Variants in LRP4 observed in about 807,000 individuals in gnomAD.
The protein encoded by LRP4 is LDL receptor related protein 4, also known as low-density lipoprotein receptor-related protein 4.
In LRP4, 95 loss-of-function variants were observed where a neutral mutation model predicts 220.3. That is an observed-to-expected ratio of 0.43 (90% CI 0.37 to 0.51). LRP4 has a LOEUF of 0.51. Ranked by LOEUF, LRP4 falls within the 20% of genes least tolerant of loss-of-function variation. The pLI is 0.00. For missense variants in LRP4, 1,925 were observed against 2,567.0 expected (o/e 0.75, Z 5.40); for synonymous variants, 903 against 954.6 (o/e 0.95, Z 1.00).
chr11:46,911,946 G>A (rs1369147641), intron 1 of LRP4, among the ~76,000 whole-genome samples: 10 of 150,928 alleles, frequency 6.6e-5, no homozygotes, highest in Non-Finnish European at 1.3e-4. Flanking sequence ...AGGTTCAAGC[G>A]ATTCTCCCAC....
intron 1 of LRP4, among the ~76,000 whole-genome samples, chr11:46,911,131 G>T (rs914707275): frequency 1.3e-5 from 2 of 152,074 alleles, no homozygotes; most frequent in African/African-American, 4.8e-5. Flanking sequence ...TTGCTGGGAG[G>T]TCTAAATGAA....
At chr11:46,867,689 G>A (rs1365390306) in intron 34 of LRP4, among the ~76,000 whole-genome samples, 1 of 152,152 alleles carries the variant, frequency 6.6e-6, no homozygotes, top group Non-Finnish European at 1.5e-5. Flanking sequence ...TCCAACTCCC[G>A]ACCTCAAGTG....
intron 22 of LRP4, 149 bp downstream of exon 22, chr11:46,878,758 C>G: frequency 8.2e-7 from 1 of 1,220,314 alleles, no homozygotes; most frequent in South Asian, 1.3e-5. Flanking sequence ...GTCCCCTTTT[C>G]TAAAAGCCGT....
chr11:46,882,484 A>G (rs981550022), intron 19 of LRP4, among the ~76,000 whole-genome samples: 3 of 151,972 alleles, frequency 2.0e-5, no homozygotes, highest in Non-Finnish European at 4.4e-5. Flanking sequence ...TCAAAAAAAA[A>G]AGAAAAAAAC....
At chr11:46,894,484 A>G (rs2134849058) in intron 12 of LRP4, 105 bp downstream of exon 12, 1 of 837,692 alleles carries the variant, frequency 1.2e-6, no homozygotes, top group Non-Finnish European at 2.0e-6. Context: ...CTGGAAGAAA[A>G]AGATGTCCTG....
intron 16 of LRP4, 118 bp downstream of exon 16, chr11:46,889,293 G>A: frequency 7.3e-7 from 1 of 1,364,366 alleles, no homozygotes; most frequent in African/African-American, 1.4e-5. Flanking sequence ...CCTCTCCAGG[G>A]CTCCCTGAGG....
chr11:46,888,239 T>C (rs1227592342), intron 16 of LRP4, among the ~76,000 whole-genome samples: 1 of 96,510 alleles, frequency 1.0e-5, no homozygotes, highest in Non-Finnish European at 2.0e-5. Flanking sequence ...GGAGAAGCAC[T>C]TGAACCCGGG....
In LRP4 at chr11:46,873,482, T is replaced by C. The variant is rs970025729; in HGVS notation, c.4341A>G (p.Thr1447=). Residue 1447 remains threonine, a synonymous_variant, in exon 29 of 38, where the codon ACA becomes ACG. Transcript: ENST00000378623. The surrounding 1 kb of genome is among the most constrained non-coding windows in gnomAD (Gnocchi z 4.2). ...TGGACGCCTCAATGGTATTTCGACCTGTGTCTGTCCAGTACAGGTTCCTGG... is the reference window on the plus strand; with the variant it reads ...TGGACGCCTCAATGGTATTTCGACCCGTGTCTGTCCAGTACAGGTTCCTGG... ...WVARNLYWTD[T]GRNTIEASRL... 2 of 1,614,090 alleles carry C rather than the reference T, an allele frequency of 1.2e-6. No homozygotes were observed. The highest frequency in any genetic ancestry group is 1.7e-6 in the Non-Finnish European group (2 of 1,180,042).
chr11:46,879,083 A>G, intron 21 of LRP4, 43 bp downstream of exon 21: 1 of 1,614,218 alleles, frequency 6.2e-7, no homozygotes, highest in Non-Finnish European at 8.5e-7. Context: ...GCTAGGGCAT[A>G]GGAGGGCCAC....
chr11:46,877,355 G>A lies in LRP4; in HGVS notation c.3137-16C>T. ...CTGTTCATGCCTGCCAGGTGGAGAG[G>A]AGGGAAGAGGATCACTCGAGCACAG... On this transcript the variant is annotated splice_polypyrimidine_tract_variant and intron_variant, in intron 22 of 37. Transcript: ENST00000378623. 5 of 1,614,030 alleles carry A rather than the reference G, an allele frequency of 3.1e-6. No individual in the cohort carries two copies. Among genetic ancestry groups the A allele is most frequent in the South Asian group, 1.1e-5 (1 of 91,082 alleles).
chr11:46,861,030 AT>A (rs1424565455), intron 37 of LRP4: 2 of 815,534 alleles, frequency 2.5e-6, no homozygotes, highest in African/African-American at 3.7e-5. Context: ...AGGTCACACT[AT>A]TTTCATTGCT....
At chr11:46,889,741 G>A (rs975814100) in intron 15 of LRP4, 2 of 837,484 alleles carry the variant, frequency 2.4e-6, no homozygotes, top group Non-Finnish European at 3.8e-6. Context: ...GATGGGAACG[G>A]TGAAGTCTAA....
intron 1 of LRP4, among the ~76,000 whole-genome samples, chr11:46,913,672 G>A (rs1217343229): frequency 6.6e-6 from 1 of 152,096 alleles, no homozygotes; most frequent in South Asian, 2.1e-4. Flanking sequence ...TCCCTGGCCA[G>A]CCCCTCTCAC....
intron 1 of LRP4, among the ~76,000 whole-genome samples, chr11:46,907,164 A>G (rs1168512900): frequency 1.3e-5 from 2 of 152,212 alleles, no homozygotes; most frequent in Non-Finnish European, 2.9e-5. Context: ...GAAGTGTTGA[A>G]TTAGAACACT....
chr11:46,878,939 T>C lies in LRP4; in HGVS notation c.3104A>G (p.Asn1035Ser), dbSNP rs767536610. The C allele has an allele frequency of 1.2e-5, 20 of 1,614,038 alleles. No individual in the cohort carries two copies. The highest frequency in any genetic ancestry group is 4.2e-6 in the Non-Finnish European group (5 of 1,180,044). ...GFSCTCPTGI[N>S]LLSDGKTCSP... is the part of the protein sequence containing the mutation. ...GCAGGTCTTGCCATCAGACAGCAGG[T>C]TGATGCCTGTGGGGCAGGTACAGCT... The change falls in exon 22 of 38, where the codon AAC (asparagine) becomes AGC (serine). Residue 1035 changes from asparagine (N) to serine (S), a missense_variant. Coordinates refer to ENST00000378623, the MANE Select transcript of LRP4 (RefSeq NM_002334.4).
intron 2 of LRP4, among the ~76,000 whole-genome samples, chr11:46,901,672 G>C (rs1941667663): frequency 6.6e-6 from 1 of 152,168 alleles, no homozygotes; most frequent in Non-Finnish European, 1.5e-5. Flanking sequence ...TCCAAGACAG[G>C]TCACCCTGGC....
chr11:46,879,034 A>T lies in LRP4; in HGVS notation c.3009T>A (p.Ser1003=). ...CGCCATTCTCCATAGCACATGGTGT[A>T]GACACTGGGTAGAGAGGAGGGGATG... ...HVFHRRRPPV[S]TPCAMENGGC... The change falls in exon 22 of 38, where the codon TCT becomes TCA. Residue 1003 remains serine (S), a synonymous_variant. Transcript: ENST00000378623. 6.2e-7 allele frequency: 1 copy of T among 1,614,232 alleles called. No homozygotes were observed. The highest frequency in any genetic ancestry group is 8.5e-7 in the Non-Finnish European group (1 of 1,180,042).
chr11:46,892,973 C>A lies in LRP4; in HGVS notation c.1697G>T (p.Gly566Val), dbSNP rs774074917. The change falls in exon 13 of 38, where the codon GGT becomes GTT. Residue 566 changes from glycine to valine, a missense_variant and splice_region_variant. Transcript: ENST00000378623. ...PRAIALHPME[G>V]TIYWTDWGNT... ...TTCGGGAGCCTGAGATACAACTTAC[C>A]CCTCCATGGGATGCAAGGCAATGGC... 6.2e-7 allele frequency: 1 copy of A among 1,613,018 alleles called. No homozygotes were observed. The highest frequency in any genetic ancestry group is 8.5e-7 in the Non-Finnish European group (1 of 1,179,912).
At chr11:46,895,145 C>T in intron 11 of LRP4, 21 bp downstream of exon 11, 5 of 1,613,536 alleles carry the variant, frequency 3.1e-6, no homozygotes, top group Non-Finnish European at 4.2e-6. Flanking sequence ...GCCCACCCAG[C>T]CAAGTGCCAA....
Sources: allele counts gnomAD v4.1 joint callset (sites outside exome capture counted in the v4.1 genomes callset), GRCh38; gene constraint gnomAD v4.1.1; non-coding constraint Gnocchi (gnomAD v3.1); transcripts MANE v1.5; gene names NCBI Gene and HGNC (gene_info 2026-07-23, HGNC 2026-07-21).